Variants in NEGR1 observed in about 807,000 individuals in gnomAD.
NEGR1 encodes IgLON family member 4.
NEGR1 carries 10 observed loss-of-function variants against 40.9 expected under a neutral mutation model. That is an observed-to-expected ratio of 0.24 (90% CI 0.15 to 0.42). NEGR1 has a LOEUF of 0.42. Ranked by LOEUF, NEGR1 falls within the 10% of genes least tolerant of loss-of-function variation. The pLI is 1.00. For missense variants in NEGR1, 352 were observed against 438.9 expected (o/e 0.80, Z 1.77); for synonymous variants, 185 against 166.8 (o/e 1.11, Z -0.84).
chr1:71,418,475 G>A (rs927938990), intron 6 of NEGR1, among the ~76,000 whole-genome samples: 11 of 151,894 alleles, frequency 7.2e-5, no homozygotes, highest in East Asian at 1.9e-4. Context: ...CACCACGGCC[G>A]TCTAATTTTT....
At chr1:71,704,310 T>C (rs1653813495) in intron 3 of NEGR1, among the ~76,000 whole-genome samples, 1 of 151,868 alleles carries the variant, frequency 6.6e-6, no homozygotes, top group South Asian at 2.1e-4. Flanking sequence ...TGATAAATTA[T>C]TAAAATTGAA....
chr1:71,976,664 T>C (rs1025650092), intron 1 of NEGR1, among the ~76,000 whole-genome samples: 3 of 152,218 alleles, frequency 2.0e-5, no homozygotes, highest in East Asian at 1.9e-4. Flanking sequence ...TCTGAGTTTA[T>C]AAGTGAAATA....
Position 71,638,141 on chromosome 1 carries a change from T to C in NEGR1, c.668-26995A>G, listed in dbSNP as rs564939330. Among the ~76,000 whole-genome samples, 18 of 152,180 alleles carry C rather than the reference T, an allele frequency of 1.2e-4. No homozygotes were observed. The South Asian group carries it at 3.5e-3, about 30-fold the overall frequency. On this transcript the variant is annotated intron_variant, in intron 4 of 6. Transcript: ENST00000357731. ...AATATGGATTATTCCACAAGCACTTTAAACATGGCTATCTCTGCTCAATTA... is the reference window on the plus strand; with the variant it reads ...AATATGGATTATTCCACAAGCACTTCAAACATGGCTATCTCTGCTCAATTA...
intron 1 of NEGR1, among the ~76,000 whole-genome samples, chr1:72,088,796 CTTTT>C (rs71074816): frequency 0.02 from 1,507 of 74,966 alleles, 31 homozygotes; most frequent in African/African-American, 0.068. Context: ...CTCTCTCTCT[CTTTT>C]TTTTTTTTTT....
intron 4 of NEGR1, among the ~76,000 whole-genome samples, chr1:71,658,568 C>G (rs544392113): frequency 8.3e-4 from 126 of 152,110 alleles, no homozygotes; most frequent in African/African-American, 2.8e-3. Flanking sequence ...GCACTTTCAT[C>G]TCATGCATGT....
In NEGR1 at chr1:71,802,879, C is replaced by T. The variant is rs946454317; in HGVS notation, c.410-26582G>A. On this transcript the variant is annotated intron_variant, in intron 2 of 6. Coordinates refer to ENST00000357731, the MANE Select transcript of NEGR1 (RefSeq NM_173808.3). ...GAACTTTGCCTCAGGAAGAGGCATA[C>T]CTCTTGACTCACCTATATTCTATTT... 1.2e-4 allele frequency among the ~76,000 whole-genome samples: 19 copies of T among 152,084 alleles called. 1 individual carries two copies. Among genetic ancestry groups the T allele is most frequent in the African/African-American group, 4.3e-4 (18 of 41,416 alleles).
intron 1 of NEGR1, among the ~76,000 whole-genome samples, chr1:72,228,136 A>C (rs1022889950): frequency 6.6e-6 from 1 of 152,092 alleles, no homozygotes; most frequent in Non-Finnish European, 1.5e-5. Context: ...TTCTGTGTCA[A>C]CTTGACTTTG....
intron 6 of NEGR1, among the ~76,000 whole-genome samples, chr1:71,439,262 T>G (rs61433028): frequency 0.05 from 7,627 of 152,280 alleles, 404 homozygotes; most frequent in African/African-American, 0.13. Context: ...TGAGAAAGGT[T>G]GTGGGAAAAG....
At chr1:71,954,383 A>G (rs1007035255) in intron 1 of NEGR1, among the ~76,000 whole-genome samples, 6 of 152,010 alleles carry the variant, frequency 3.9e-5, no homozygotes, top group Non-Finnish European at 7.4e-5. Context: ...TTCAGAGTAC[A>G]TAAGGTATAT....
intron 4 of NEGR1, among the ~76,000 whole-genome samples, chr1:71,649,671 A>G (rs1474287597): frequency 6.6e-6 from 1 of 152,160 alleles, no homozygotes; most frequent in Non-Finnish European, 1.5e-5. Context: ...TTATTCTGTA[A>G]TTTGTAAAAC....
chr1:71,785,113 CACTT>C (rs1452870102), intron 2 of NEGR1, among the ~76,000 whole-genome samples: 1 of 152,298 alleles, frequency 6.6e-6, no homozygotes, highest in East Asian at 1.9e-4. Context: ...GCTTCAGTTT[CACTT>C]ACTTGGATAA....
chr1:72,044,735 T>C lies in NEGR1; in HGVS notation c.177-109424A>G, dbSNP rs1646986430. On this transcript the variant is annotated intron_variant, in intron 1 of 6. Coordinates refer to ENST00000357731, the MANE Select transcript of NEGR1 (RefSeq NM_173808.3). ...GGAAGTGTTCACCTTACTTTGGTGC[T>C]AAGGATTAATCATAAATAAAGAATA... Among the ~76,000 whole-genome samples, 2 of 151,890 alleles carry C rather than the reference T, an allele frequency of 1.3e-5. 1 individual carries two copies. Among genetic ancestry groups the C allele is most frequent in the South Asian group, 4.1e-4 (2 of 4,836 alleles).
At chr1:72,044,936 T>C (rs1372896380) in intron 1 of NEGR1, among the ~76,000 whole-genome samples, 1 of 151,842 alleles carries the variant, frequency 6.6e-6, no homozygotes, top group Non-Finnish European at 1.5e-5. Context: ...GTCATGCTTG[T>C]GGTACTTAAG....
intron 1 of NEGR1, among the ~76,000 whole-genome samples, chr1:72,019,887 C>A (rs1646742035): frequency 2.0e-5 from 3 of 152,116 alleles, no homozygotes; most frequent in Admixed American, 6.5e-5. Flanking sequence ...TATTAATTTG[C>A]ATTTATGGAG....
At chr1:72,234,909 T>C (rs915032411) in intron 1 of NEGR1, among the ~76,000 whole-genome samples, 2 of 152,130 alleles carry the variant, frequency 1.3e-5, no homozygotes, top group African/African-American at 2.4e-5. Flanking sequence ...AGAAATCCCA[T>C]TACTGGGTAT....
chr1:72,098,053 G>A (rs1648777735), intron 1 of NEGR1, among the ~76,000 whole-genome samples: 1 of 151,970 alleles, frequency 6.6e-6, no homozygotes. Context: ...TGTGTTGTAG[G>A]GTCAAGAGTG....
chr1:72,249,849 A>G (rs139410899), intron 1 of NEGR1, among the ~76,000 whole-genome samples: 66 of 152,322 alleles, frequency 4.3e-4, no homozygotes, highest in Non-Finnish European at 8.7e-4. Flanking sequence ...ACGAATATAA[A>G]GCAACTATTA....
At chr1:72,077,046 C>A (rs1270058135) in intron 1 of NEGR1, among the ~76,000 whole-genome samples, 1 of 151,784 alleles carries the variant, frequency 6.6e-6, no homozygotes, top group Non-Finnish European at 1.5e-5. Context: ...AGGTGCCCGC[C>A]ACCATGCCCG....
At chr1:72,100,374 C>A (rs1648888615) in intron 1 of NEGR1, among the ~76,000 whole-genome samples, 1 of 152,120 alleles carries the variant, frequency 6.6e-6, no homozygotes, top group Non-Finnish European at 1.5e-5. Flanking sequence ...TTTACTATTG[C>A]AAACACCCAA....
Sources: gnomAD v4.1 joint callset for allele counts (sites outside exome capture counted in the v4.1 genomes callset) on GRCh38, gnomAD v4.1.1 for gene constraint, MANE v1.5 for transcripts, NCBI Gene and HGNC (gene_info 2026-07-23, HGNC 2026-07-21) for gene names.